CDKAL1: variants seen among roughly 807,000 people sequenced by gnomAD.
CDKAL1 encodes CDKAL1 threonylcarbamoyladenosine tRNA methylthiotransferase, also known as threonylcarbamoyladenosine tRNA methylthiotransferase.
A neutral mutation model predicts 68.2 loss-of-function variants in CDKAL1; 32 were observed. That is an observed-to-expected ratio of 0.47 (90% CI 0.35 to 0.63). CDKAL1 has a LOEUF of 0.63. Among genes scored for constraint, CDKAL1 ranks in the 30% least tolerant of loss-of-function variants. The probability of loss-of-function intolerance (pLI) is 0.00; values close to 1 mark genes in which losing one functional copy is unlikely to be tolerated. For missense variants in CDKAL1, 606 were observed against 696.7 expected (o/e 0.87, Z 1.47); for synonymous variants, 234 against 244.3 (o/e 0.96, Z 0.39).
At chr6:21,150,590 C>T (rs1776370912) in intron 13 of CDKAL1, among the ~76,000 whole-genome samples, 2 of 152,128 alleles carry the variant, frequency 1.3e-5, no homozygotes, top group African/African-American at 4.8e-5. Flanking sequence ...TGTCAGTTAG[C>T]CAAACACTCT....
chr6:20,676,607 CAGT>C (rs1770114693), intron 5 of CDKAL1, among the ~76,000 whole-genome samples: 1 of 151,782 alleles, frequency 6.6e-6, no homozygotes, highest in Admixed American at 6.6e-5. Context: ...GTGGAGCTTG[CAGT>C]GACCCAAGAT....
intron 13 of CDKAL1, among the ~76,000 whole-genome samples, chr6:21,169,042 A>G (rs546469408): frequency 2.8e-4 from 42 of 152,326 alleles, no homozygotes; most frequent in Non-Finnish European, 1.2e-4. Context: ...AGGGGCAAAG[A>G]AGAGATTATT....
At chr6:20,578,691 G>A (rs556829459) in intron 4 of CDKAL1, among the ~76,000 whole-genome samples, 1 of 152,248 alleles carries the variant, frequency 6.6e-6, no homozygotes, top group East Asian at 1.9e-4. Flanking sequence ...ATTTAATTGT[G>A]TTTTGTGATT....
intron 8 of CDKAL1, among the ~76,000 whole-genome samples, chr6:20,831,934 C>T (rs9368244): frequency 0.6 from 91,141 of 151,908 alleles, 27,949 homozygotes; most frequent in Non-Finnish European, 0.67. Context: ...TGCTCTCAAT[C>T]GGTCATTGTC....
chr6:21,043,767 G>T (rs1157197198), intron 11 of CDKAL1, among the ~76,000 whole-genome samples: 1 of 152,096 alleles, frequency 6.6e-6, no homozygotes, highest in African/African-American at 2.4e-5. Flanking sequence ...CTTATTCAAG[G>T]CTACCTGGAG....
chr6:21,209,817 A>G (rs1385119747), intron 15 of CDKAL1, among the ~76,000 whole-genome samples: 1 of 152,196 alleles, frequency 6.6e-6, no homozygotes, highest in African/African-American at 2.4e-5. Context: ...GCAGGATGGG[A>G]CTAGGGAGGT....
chr6:20,588,912 G>A (rs892042242), intron 4 of CDKAL1, among the ~76,000 whole-genome samples: 4 of 151,986 alleles, frequency 2.6e-5, no homozygotes, highest in Admixed American at 2.0e-4. Context: ...CTGTTTTATA[G>A]GATTATATAC....
At position 20,766,407 on chromosome 6, in the gene CDKAL1, G is replaced by A. The variant is rs531496490; in HGVS notation, c.517+7764G>A. Reference sequence around the variant, plus strand: ...TAGTGGTTTACTAGATTTGATTGCCGTAAGCAAGGAAAGGAAATTACTTTA... The same window carrying A: ...TAGTGGTTTACTAGATTTGATTGCCATAAGCAAGGAAAGGAAATTACTTTA... On this transcript the variant is annotated intron_variant, in intron 7 of 15. Transcript: ENST00000274695. Among the ~76,000 whole-genome samples the A allele has an allele frequency of 1.1e-4, 17 of 152,194 alleles. No homozygotes were observed. In the South Asian group the frequency reaches 1.2e-3, roughly 11 times the overall value.
intron 4 of CDKAL1, among the ~76,000 whole-genome samples, chr6:20,617,364 G>A (rs1268950274): frequency 6.6e-6 from 1 of 152,188 alleles, no homozygotes; most frequent in Non-Finnish European, 1.5e-5. Context: ...ATAGCCAAAT[G>A]TATGGATAGG....
At chr6:21,013,154 A>G (rs201294) in intron 11 of CDKAL1, among the ~76,000 whole-genome samples, 16,252 of 152,178 alleles carry the variant, frequency 0.11, 977 homozygotes, top group Middle Eastern at 0.16. Context: ...TGAGGTGGCT[A>G]TGATACTGTA....
At chr6:21,179,747 A>G (rs1352879050) in intron 13 of CDKAL1, among the ~76,000 whole-genome samples, 1 of 152,152 alleles carries the variant, frequency 6.6e-6, no homozygotes, top group African/African-American at 2.4e-5. Context: ...CAAAACAAAA[A>G]AAGAGGCTGG....
intron 9 of CDKAL1, among the ~76,000 whole-genome samples, chr6:20,916,105 T>C (rs1762713381): frequency 6.6e-6 from 1 of 152,194 alleles, no homozygotes; most frequent in Non-Finnish European, 1.5e-5. Context: ...GTGTGCCGAC[T>C]GTAGTAATAG....
chr6:21,119,357 C>G (rs890074011), intron 13 of CDKAL1, among the ~76,000 whole-genome samples: 1 of 152,190 alleles, frequency 6.6e-6, no homozygotes, highest in Admixed American at 6.5e-5. Context: ...AGCTCTGCCA[C>G]TAGTACTCAC....
At chr6:21,229,487 C>G (rs1779873288) in intron 15 of CDKAL1, among the ~76,000 whole-genome samples, 1 of 152,138 alleles carries the variant, frequency 6.6e-6, no homozygotes, top group Admixed American at 6.5e-5. Context: ...TCCAGTGTCT[C>G]TCCTGTGCAT....
intron 8 of CDKAL1, among the ~76,000 whole-genome samples, chr6:20,827,975 G>A (rs566222185): frequency 1.3e-5 from 2 of 152,180 alleles, no homozygotes; most frequent in African/African-American, 4.8e-5. Context: ...AAGAAAATGG[G>A]TGTTGATGCT....
intron 11 of CDKAL1, among the ~76,000 whole-genome samples, chr6:21,017,842 T>C (rs1355106928): frequency 6.6e-6 from 1 of 152,048 alleles, no homozygotes; most frequent in Non-Finnish European, 1.5e-5. Flanking sequence ...TTGGGTTTAA[T>C]TTAATTTCTT....
At chr6:21,212,464 A>G (rs1349694492) in intron 15 of CDKAL1, among the ~76,000 whole-genome samples, 5 of 152,176 alleles carry the variant, frequency 3.3e-5, no homozygotes, top group African/African-American at 1.2e-4. Context: ...CATGGGAACT[A>G]TGAGGATGAG....
intron 10 of CDKAL1, among the ~76,000 whole-genome samples, chr6:20,972,149 G>A (rs533397708): frequency 2.6e-5 from 4 of 152,304 alleles, no homozygotes; most frequent in African/African-American, 9.6e-5. Flanking sequence ...TTCCTCACTT[G>A]CAAGTGTTTT....
At chr6:20,564,938 G>A (rs1055020632) in intron 4 of CDKAL1, among the ~76,000 whole-genome samples, 1 of 152,074 alleles carries the variant, frequency 6.6e-6, no homozygotes, top group Non-Finnish European at 1.5e-5. Flanking sequence ...AGCTTCTCTG[G>A]GTGAGAAATG....
Sources: allele counts gnomAD v4.1 joint callset (sites outside exome capture counted in the v4.1 genomes callset), GRCh38; gene constraint gnomAD v4.1.1; transcripts MANE v1.5; gene names NCBI Gene and HGNC (gene_info 2026-07-23, HGNC 2026-07-21).